Variants in CSMD1 observed in about 807,000 individuals in gnomAD.
CSMD1 encodes the protein CUB and sushi domain-containing protein 1.
CSMD1 carries 213 observed loss-of-function variants against 417.5 expected under a neutral mutation model. The ratio of observed to expected loss-of-function variants is 0.51; its 90% CI spans 0.46 to 0.57. The LOEUF is 0.57. Among genes scored for constraint, CSMD1 ranks in the 20% least tolerant of loss-of-function variants. The pLI is 0.00. For synonymous variants in CSMD1, 2,862 were observed against 1,736.8 expected (o/e 1.65, Z -16.11); for missense variants, 6,923 against 4,529.7 (o/e 1.53, Z -15.17).
At chr8:2,991,678 G>A (rs926079517) in intron 54 of CSMD1, among the ~76,000 whole-genome samples, 1 of 152,184 alleles carries the variant, frequency 6.6e-6, no homozygotes, top group African/African-American at 2.4e-5. Context: ...AAATGCGAGT[G>A]AATATGAGTC....
At chr8:3,140,725 TAA>T (rs201439978) in intron 41 of CSMD1, among the ~76,000 whole-genome samples, 1 of 145,760 alleles carries the variant, frequency 6.9e-6, no homozygotes. Flanking sequence ...TTAACTATAT[TAA>T]AAAAAAAAAA....
intron 2 of CSMD1, among the ~76,000 whole-genome samples, chr8:4,577,817 T>A (rs58099832): frequency 0.016 from 2,511 of 152,308 alleles, 65 homozygotes; most frequent in African/African-American, 0.057. Context: ...TAGAGCTACA[T>A]TCCTTGGCCT....
intron 31 of CSMD1, 68 bp from the exon 32 acceptor site, chr8:3,201,793 C>A: frequency 1.2e-6 from 1 of 831,774 alleles, no homozygotes; most frequent in South Asian, 1.8e-5. Context: ...TTTTTGATTT[C>A]ACTGAATATC....
chr8:3,298,536 C>G (rs539281023), intron 25 of CSMD1, among the ~76,000 whole-genome samples: 1 of 152,192 alleles, frequency 6.6e-6, no homozygotes, highest in African/African-American at 2.4e-5. Flanking sequence ...TCACTGCAAC[C>G]TCTGCCTCCC....
intron 68 of CSMD1, among the ~76,000 whole-genome samples, chr8:2,945,952 C>T (rs566348402): frequency 1.7e-4 from 26 of 152,286 alleles, no homozygotes; most frequent in African/African-American, 5.5e-4. Context: ...CATCCTGTCA[C>T]GCAACACTTC....
At chr8:4,128,104 A>T (rs1519174) in intron 3 of CSMD1, among the ~76,000 whole-genome samples, 14,504 of 152,242 alleles carry the variant, frequency 0.095, 848 homozygotes, top group Non-Finnish European at 0.13. Context: ...CTTCACATGC[A>T]TCTGGCAAAC....
At position 4,507,491 on chromosome 8, in the gene CSMD1, A is replaced by G. The variant is rs187327962; in HGVS notation, c.303-87426T>C. 2.4e-4 allele frequency among the ~76,000 whole-genome samples: 36 copies of G among 152,270 alleles called. No individual in the cohort carries two copies. In the East Asian group the frequency reaches 6.6e-3, roughly 28 times the overall value. ...TGATTACAAATAAGTAAAATACAAG[A>G]GTCTAACCCTCTAGAGGCTTATGAT... On this transcript the variant is annotated intron_variant, in intron 2 of 69. Coordinates refer to ENST00000635120, the MANE Select transcript of CSMD1 (RefSeq NM_033225.6).
At chr8:4,864,555 T>G (rs2116887252) in intron 1 of CSMD1, among the ~76,000 whole-genome samples, 1 of 151,864 alleles carries the variant, frequency 6.6e-6, no homozygotes, top group East Asian at 1.9e-4. Flanking sequence ...ATCATCATAA[T>G]TATGTTTTGC....
At chr8:4,540,129 G>A (rs1024697366) in intron 2 of CSMD1, among the ~76,000 whole-genome samples, 1 of 152,112 alleles carries the variant, frequency 6.6e-6, no homozygotes, top group Non-Finnish European at 1.5e-5. Flanking sequence ...TATAAACACC[G>A]AAAGTGGTTG....
intron 3 of CSMD1, among the ~76,000 whole-genome samples, chr8:4,377,744 A>T (rs1312563948): frequency 1.3e-5 from 2 of 152,202 alleles, no homozygotes; most frequent in East Asian, 3.8e-4. Context: ...TGCCCATAAC[A>T]ACTATTAGGC....
chr8:3,786,658 T>C (rs140443836), intron 5 of CSMD1, among the ~76,000 whole-genome samples: 66 of 152,270 alleles, frequency 4.3e-4, no homozygotes, highest in East Asian at 3.7e-3. Context: ...GATGCTATGA[T>C]AAAATACTAC....
Position 3,387,474 on chromosome 8 carries a change from C to A in CSMD1, c.2782+20G>T. Reference sequence around the variant, plus strand: ...CTCTGCACACCCTGCTGGTGCATTGCCTCACTGAGCTGTACCTACCGTCGC... The same window carrying A: ...CTCTGCACACCCTGCTGGTGCATTGACTCACTGAGCTGTACCTACCGTCGC... On this transcript the variant is annotated intron_variant, in intron 18 of 69. Transcript: ENST00000635120. 1 of 1,575,598 alleles carries A rather than the reference C, an allele frequency of 6.3e-7. No individual in the cohort carries two copies. The highest frequency in any genetic ancestry group is 8.6e-7 in the Non-Finnish European group (1 of 1,159,036).
intron 47 of CSMD1, 145 bp downstream of exon 47, chr8:3,096,704 C>G (rs560787810): frequency 9.8e-6 from 6 of 614,974 alleles, no homozygotes; most frequent in East Asian, 5.7e-5. Context: ...ATGCATAACC[C>G]CAAACTAGTT....
chr8:3,856,401 C>G (rs143195696), intron 5 of CSMD1, among the ~76,000 whole-genome samples: 1 of 152,168 alleles, frequency 6.6e-6, no homozygotes, highest in African/African-American at 2.4e-5. Flanking sequence ...ATAAATTACC[C>G]AGTTTCTGCT....
At chr8:4,057,075 G>A (rs1170311345) in intron 3 of CSMD1, among the ~76,000 whole-genome samples, 2 of 152,130 alleles carry the variant, frequency 1.3e-5, no homozygotes, top group Non-Finnish European at 2.9e-5. Flanking sequence ...TGGGTCAAAT[G>A]GTATTTGTAG....
intron 2 of CSMD1, among the ~76,000 whole-genome samples, chr8:4,429,244 A>C (rs765118958): frequency 6.6e-6 from 1 of 152,018 alleles, no homozygotes; most frequent in Non-Finnish European, 1.5e-5. Flanking sequence ...TAAAAACATC[A>C]TGAGATTTCA....
intron 16 of CSMD1, among the ~76,000 whole-genome samples, chr8:3,398,705 C>A (rs529073352): frequency 2.1e-4 from 32 of 152,206 alleles, no homozygotes; most frequent in Non-Finnish European, 4.7e-4. Context: ...GTTCATGTTG[C>A]TCATGACAAA....
intron 4 of CSMD1, among the ~76,000 whole-genome samples, chr8:4,001,572 A>C: frequency 6.6e-6 from 1 of 152,182 alleles, no homozygotes; most frequent in Non-Finnish European, 1.5e-5. Context: ...TTCTATTTAA[A>C]ATGCCAGTGG....
intron 3 of CSMD1, among the ~76,000 whole-genome samples, chr8:4,147,546 G>A (rs538613909): frequency 1.3e-5 from 2 of 152,096 alleles, no homozygotes; most frequent in Non-Finnish European, 2.9e-5. Flanking sequence ...ATTTTAATTA[G>A]TCATGTATAA....
Sources: gnomAD v4.1 joint callset for allele counts (sites outside exome capture counted in the v4.1 genomes callset) on GRCh38, gnomAD v4.1.1 for gene constraint, MANE v1.5 for transcripts, NCBI Gene and HGNC (gene_info 2026-07-23, HGNC 2026-07-21) for gene names.